FAM227B: variants seen among roughly 807,000 people sequenced by gnomAD.
FAM227B encodes protein FAM227B.
A neutral mutation model predicts 73.8 loss-of-function variants in FAM227B; 88 were observed. The ratio of observed to expected loss-of-function variants is 1.19; its 90% CI spans 1.00 to 1.42. The LOEUF is 1.42. Ranked by LOEUF, FAM227B falls within the 40% of genes most tolerant of loss-of-function variation. The pLI is 0.00. For missense variants in FAM227B, 632 were observed against 590.9 expected (o/e 1.07, Z -0.72); for synonymous variants, 210 against 190.5 (o/e 1.10, Z -0.84).
At chr15:49,491,705 A>C (rs2057115790) in intron 11 of FAM227B, among the ~76,000 whole-genome samples, 1 of 141,166 alleles carries the variant, frequency 7.1e-6, no homozygotes, top group African/African-American at 2.8e-5. Flanking sequence ...TTGATTGCAC[A>C]CACACACACA....
Position 49,348,146 on chromosome 15 carries a change from T to G in FAM227B, c.1272-12650A>C, listed in dbSNP as rs1180002858. On this transcript the variant is annotated intron_variant, in intron 13 of 15. Transcript: ENST00000299338. ...TCCCTGATAAGGCTGGATAAACAAGTTGTTGATTTACAGAAATTCCAGCAT... is the reference window on the plus strand; with the variant it reads ...TCCCTGATAAGGCTGGATAAACAAGGTGTTGATTTACAGAAATTCCAGCAT... Among the ~76,000 whole-genome samples, 7 of 152,094 alleles carry G rather than the reference T, an allele frequency of 4.6e-5. No individual in the cohort carries two copies. The South Asian group carries it at 1.5e-3, about 32-fold the overall frequency.
rs892114540 is a variant in FAM227B at position 49,353,782 on chromosome 15, G to C, written c.1271+13666C>G. On this transcript the variant is annotated intron_variant, in intron 13 of 15. Transcript: ENST00000299338. The stretch of plus-strand genomic sequence containing the variant: ...TAGATGGGAGGGTTCTGGATTAGTT[G>C]TTTTTTTCAGATATTTGTATTTCAG... 6 of 151,918 alleles carry C rather than the reference G, an allele frequency of 3.9e-5. No homozygotes were observed. In the East Asian group the frequency reaches 1.2e-3, roughly 29 times the overall value. 9.4% of individuals were successfully genotyped at this position (151,918 alleles called of 1,614,324 possible).
intron 11 of FAM227B, chr15:49,485,330 G>A (rs371359059): frequency 1.3e-5 from 2 of 152,202 alleles, no homozygotes; most frequent in East Asian, 3.9e-4. Flanking sequence ...ATCTATCTTT[G>A]TATAATTCAT....
chr15:49,495,327 A>C, intron 11 of FAM227B, among the ~76,000 whole-genome samples: 1 of 152,236 alleles, frequency 6.6e-6, no homozygotes. Context: ...CCAAATAATG[A>C]TGAAATCTAA....
intron 11 of FAM227B, among the ~76,000 whole-genome samples, chr15:49,475,502 T>C (rs2055179381): frequency 6.6e-6 from 1 of 152,168 alleles, no homozygotes; most frequent in African/African-American, 2.4e-5. Context: ...CAAATGTATT[T>C]AAACTTTAAT....
At chr15:49,536,823 A>C (rs2070344157) in intron 10 of FAM227B, among the ~76,000 whole-genome samples, 1 of 151,996 alleles carries the variant, frequency 6.6e-6, no homozygotes, top group East Asian at 1.9e-4. Flanking sequence ...AGGAAAAGAT[A>C]GTTTTTTCAA....
chr15:49,549,338 A>ATTTATTTATTTT (rs1567550891), intron 9 of FAM227B, among the ~76,000 whole-genome samples: 1 of 150,502 alleles, frequency 6.6e-6, no homozygotes, highest in Non-Finnish European at 1.5e-5. Context: ...TTATTTATTT[A>ATTTATTTATTTT]TTTTTATTGA....
chr15:49,465,476 A>C (rs2054185956), intron 11 of FAM227B, among the ~76,000 whole-genome samples: 1 of 152,058 alleles, frequency 6.6e-6, no homozygotes, highest in South Asian at 2.1e-4. Flanking sequence ...AAGATAGATA[A>C]ATAGATATGC....
At chr15:49,617,802 G>A (rs2078389887) in intron 1 of FAM227B, among the ~76,000 whole-genome samples, 1 of 151,350 alleles carries the variant, frequency 6.6e-6, no homozygotes, top group African/African-American at 2.4e-5. Context: ...GTGTGTGTGT[G>A]TGTGACAGAG....
chr15:49,370,007 C>G (rs1238186995), intron 12 of FAM227B, among the ~76,000 whole-genome samples: 1 of 152,212 alleles, frequency 6.6e-6, no homozygotes, highest in Non-Finnish European at 1.5e-5. Context: ...AGAGCTCACT[C>G]TCTCTGCCAT....
intron 11 of FAM227B, among the ~76,000 whole-genome samples, chr15:49,409,723 A>G (rs1344817426): frequency 1.3e-5 from 2 of 152,016 alleles, no homozygotes; most frequent in East Asian, 1.9e-4. Flanking sequence ...AGTCACCTCA[A>G]ATTTTATTCC....
At chr15:49,548,963 T>C (rs548859648) in intron 9 of FAM227B, among the ~76,000 whole-genome samples, 27 of 152,322 alleles carry the variant, frequency 1.8e-4, no homozygotes, top group African/African-American at 6.5e-4. Context: ...ACTTGTTTTA[T>C]TAATCTTTCT....
intron 10 of FAM227B, among the ~76,000 whole-genome samples, chr15:49,510,827 G>C (rs1181044525): frequency 2.6e-5 from 4 of 151,878 alleles, no homozygotes; most frequent in Non-Finnish European, 5.9e-5. Context: ...AAATTGGTTG[G>C]GTCTAGGGTC....
intron 9 of FAM227B, among the ~76,000 whole-genome samples, chr15:49,562,744 A>T (rs35563735): frequency 0.052 from 7,968 of 152,134 alleles, 359 homozygotes; most frequent in East Asian, 0.23. Context: ...TAATTTTTTT[A>T]AAAAATATGA....
At chr15:49,474,272 G>A (rs1045958882) in intron 11 of FAM227B, among the ~76,000 whole-genome samples, 10 of 152,118 alleles carry the variant, frequency 6.6e-5, no homozygotes, top group Admixed American at 2.6e-4. Flanking sequence ...AATTCATACC[G>A]TATGAGAAAG....
At chr15:49,502,232 A>C (rs2058197565) in intron 11 of FAM227B, among the ~76,000 whole-genome samples, 1 of 152,234 alleles carries the variant, frequency 6.6e-6, no homozygotes, top group South Asian at 2.1e-4. Context: ...GAAGGGGGCC[A>C]CTGCCCTCCA....
chr15:49,478,899 T>C (rs575854544), intron 11 of FAM227B, among the ~76,000 whole-genome samples: 42 of 152,292 alleles, frequency 2.8e-4, no homozygotes, highest in Admixed American at 1.6e-3. Context: ...AAAGAATTAG[T>C]ATCAATTTCT....
At chr15:49,474,708 G>A (rs972488218) in intron 11 of FAM227B, among the ~76,000 whole-genome samples, 1 of 152,168 alleles carries the variant, frequency 6.6e-6, no homozygotes. Context: ...CAGGAGATGA[G>A]CTGCGGGTGA....
intron 13 of FAM227B, among the ~76,000 whole-genome samples, chr15:49,356,399 C>A (rs1366382011): frequency 6.7e-6 from 1 of 149,794 alleles, no homozygotes. Flanking sequence ...ATCTACCAAG[C>A]CAATGGAAAA....
Sources: gnomAD v4.1 joint callset for allele counts (sites outside exome capture counted in the v4.1 genomes callset) on GRCh38, gnomAD v4.1.1 for gene constraint, MANE v1.5 for transcripts, NCBI Gene and HGNC (gene_info 2026-07-23, HGNC 2026-07-21) for gene names.